The following RELL2 variants were observed in gnomAD, a reference collection of about 807,000 sequenced individuals.
RELL2 encodes the protein RELT-like protein 2.
Under a neutral mutation model 27.5 loss-of-function variants are expected in RELL2, and 18 were observed. The ratio of observed to expected loss-of-function variants is 0.65; its 90% CI spans 0.45 to 0.97. The LOEUF (loss-of-function observed/expected upper bound fraction) is 0.97. Among genes scored for constraint, RELL2 ranks in the 50% least tolerant of loss-of-function variants. The pLI is 0.00. For missense variants in RELL2, 370 were observed against 397.5 expected (o/e 0.93, Z 0.59); for synonymous variants, 156 against 147.5 (o/e 1.06, Z -0.42).
chr5:141,638,653 G>A, intron 1 of RELL2, 142 bp from the exon 2 acceptor site: 7 of 793,758 alleles, frequency 8.8e-6, no homozygotes, highest in Non-Finnish European at 1.3e-5. Context: ...CATCTTTTCT[G>A]GTCCCTGAAA....
rs1336400702 is a variant in RELL2 at position 141,638,308 on chromosome 5, T to G, written c.83T>G (p.Met28Arg). ...CTGCTTGTGCTGGTCTTCTTCCTCATGGGCCTGGTAGGCTTCATGATCTGC... is the reference window on the plus strand; with the variant it reads ...CTGCTTGTGCTGGTCTTCTTCCTCAGGGGCCTGGTAGGCTTCATGATCTGC... ...LFLLVLVFFL[M>R]GLVGFMICHV... The change falls in exon 1 of 7, where the codon ATG becomes AGG. Residue 28 changes from methionine (M) to arginine (R), a missense_variant. Physicochemically the swap from Met to Arg is moderately conservative, Grantham distance 91. Transcript: ENST00000297164. The G allele has an allele frequency of 6.2e-7, 1 of 1,614,058 alleles. No individual in the cohort carries two copies. Among genetic ancestry groups the G allele is most frequent in the Non-Finnish European group, 8.5e-7 (1 of 1,180,010 alleles).
chr5:141,640,116 A>C lies in RELL2; in HGVS notation c.700A>C (p.Ser234Arg). Residue 234 changes from serine (S) to arginine (R), a missense_variant, in exon 5 of 7, where the codon AGC becomes CGC. By Grantham distance (110) the Ser-to-Arg change is moderately radical (BLOSUM62 -1). Coordinates refer to ENST00000297164, the MANE Select transcript of RELL2 (RefSeq NM_173828.5). Reference sequence around the variant, plus strand: ...GAGGCCACAGCCCCAGGTCCTAGCCAGCCCCCCAGTACAGAATGGAGGACT... The same window carrying C: ...GAGGCCACAGCCCCAGGTCCTAGCCCGCCCCCCAGTACAGAATGGAGGACT... Reference protein sequence around the residue: ...PERPQPQVLASPPVQNGGLRD... With the variant: ...PERPQPQVLARPPVQNGGLRD... 1 of 1,613,956 alleles carries C rather than the reference A, an allele frequency of 6.2e-7. No homozygotes were observed. The highest frequency in any genetic ancestry group is 8.5e-7 in the Non-Finnish European group (1 of 1,179,894).
rs758884850 is a variant in RELL2, at chr5:141,638,255, G to T, written c.30G>T (p.Pro10=). The T allele has an allele frequency of 1.2e-6, 2 of 1,613,614 alleles. No homozygotes were observed. The highest frequency in any genetic ancestry group is 2.2e-5 in the South Asian group (2 of 91,046). ...CGGAACCACAGCCTGACCTGGAACC[G>T]CCCCAACATGGGCTATATATGCTCT... MSEPQPDLE[P]PQHGLYMLFL... The change falls in exon 1 of 7, where the codon CCG becomes CCT. Residue 10 remains proline (P), a synonymous_variant. Coordinates refer to ENST00000297164, the MANE Select transcript of RELL2 (RefSeq NM_173828.5).
In RELL2 at chr5:141,640,038, G is replaced by A. The variant is rs139146106; in HGVS notation, c.622G>A (p.Gly208Arg). The A allele has an allele frequency of 2.5e-6, 4 of 1,613,302 alleles. No individual in the cohort carries two copies. The highest frequency in any genetic ancestry group is 1.3e-5 in the African/African-American group (1 of 74,908). The change falls in exon 5 of 7, where the codon GGG becomes AGG. Residue 208 changes from glycine to arginine, a missense_variant. By Grantham distance (125) the Gly-to-Arg change is moderately radical (BLOSUM62 -2). Coordinates refer to ENST00000297164, the MANE Select transcript of RELL2 (RefSeq NM_173828.5). ...GQDPGGGQGSGGGQPKAGMPA... is the reference protein window; with the variant it reads ...GQDPGGGQGSRGGQPKAGMPA... ...GGACCCAGGGGGTGGTCAGGGGTCT[G>A]GGGGAGGGCAGCCCAAGGCAGGGAT...
At position 141,639,651 on chromosome 5, in the gene RELL2, T is replaced by TG; in HGVS notation, c.503+6dup. The TG allele has an allele frequency of 6.3e-7, 1 of 1,594,872 alleles. No homozygotes were observed. The highest frequency in any genetic ancestry group is 8.5e-7 in the Non-Finnish European group (1 of 1,170,420). ...GACCACTGTGTTCTCTGTGGGCAGGTGGGGCAGGTGCTCCAGGGAAAGGGG... is the reference window on the plus strand; with the variant it reads ...GACCACTGTGTTCTCTGTGGGCAGGTGGGGGCAGGTGCTCCAGGGAAAGGGG... On this transcript the variant is annotated splice_region_variant and intron_variant, in intron 4 of 6. Coordinates refer to ENST00000297164, the MANE Select transcript of RELL2 (RefSeq NM_173828.5). This position sits in a 1 kb window ranked among gnomAD's most constrained non-coding sequence, Gnocchi z 4.4.
chr5:141,638,771 T>C (rs1475420478), intron 1 of RELL2, 24 bp from the exon 2 acceptor site: 2 of 1,609,730 alleles, frequency 1.2e-6, no homozygotes, highest in Non-Finnish European at 1.7e-6. Flanking sequence ...TCCTGCTTCC[T>C]TGCCAATCTC....
chr5:141,640,158 A>AC lies in RELL2; in HGVS notation c.746dup (p.Arg250SerfsTer4). ...TGGAGGACTCAGGGACAGCAGCCTA[A>AC]CCCCTCGTGCACTTGAAGGGAACCC... is the stretch of plus-strand genomic sequence containing the variant. On this transcript the variant is annotated frameshift_variant, in exon 5 of 7. Transcript: ENST00000297164. LOFTEE classifies it high-confidence loss of function. 6.2e-7 allele frequency: 1 copy of AC among 1,614,010 alleles called. No individual in the cohort carries two copies. The highest frequency in any genetic ancestry group is 8.5e-7 in the Non-Finnish European group (1 of 1,179,964).
intron 1 of RELL2, 60 bp from the exon 2 acceptor site, chr5:141,638,735 G>A (rs1391522893): frequency 1.4e-6 from 2 of 1,404,476 alleles, no homozygotes; most frequent in Non-Finnish European, 1.0e-6. Context: ...GAGCCACCAG[G>A]TAATATTCCC....
In RELL2 at chr5:141,638,250, G is replaced by A; in HGVS notation, c.25G>A (p.Glu9Lys). 1 of 1,613,640 alleles carries A rather than the reference G, an allele frequency of 6.2e-7. No individual in the cohort carries two copies. Among genetic ancestry groups the A allele is most frequent in the South Asian group, 1.1e-5 (1 of 91,050 alleles). ...CATGTCGGAACCACAGCCTGACCTGGAACCGCCCCAACATGGGCTATATAT... is the reference window on the plus strand; with the variant it reads ...CATGTCGGAACCACAGCCTGACCTGAAACCGCCCCAACATGGGCTATATAT... MSEPQPDLEPPQHGLYMLF... is the reference protein window; with the variant it reads MSEPQPDLKPPQHGLYMLF... The change falls in exon 1 of 7, where the codon GAA becomes AAA. Residue 9 changes from glutamate to lysine, a missense_variant. By Grantham distance (56) the Glu-to-Lys change is moderately conservative (BLOSUM62 1). Coordinates refer to ENST00000297164, the MANE Select transcript of RELL2 (RefSeq NM_173828.5).
intron 6 of RELL2, 58 bp downstream of exon 6, chr5:141,640,503 T>C: frequency 6.2e-7 from 1 of 1,613,756 alleles, no homozygotes; most frequent in Non-Finnish European, 8.5e-7. Context: ...CTACTTAAAC[T>C]ATTTAAGCCT....
intron 2 of RELL2, 47 bp from the exon 3 acceptor site, chr5:141,638,908 C>G (rs1461927528): frequency 6.2e-7 from 1 of 1,612,080 alleles, no homozygotes; most frequent in East Asian, 2.2e-5. Context: ...CCTTCTCTTG[C>G]CCTGACCTCC....
chr5:141,639,896 C>G lies in RELL2; in HGVS notation c.504-24C>G, dbSNP rs563399305. 3.4e-5 allele frequency: 55 copies of G among 1,612,884 alleles called. No homozygotes were observed. Among genetic ancestry groups the G allele is most frequent in the Non-Finnish European group, 4.7e-5 (55 of 1,179,514 alleles). Reference sequence around the variant, plus strand: ...GCAGCCTCTGAGTTGTGGTCCTAAACCCCAGTGTTCCCTCCCCTCCCAGGT... The same window carrying G: ...GCAGCCTCTGAGTTGTGGTCCTAAAGCCCAGTGTTCCCTCCCCTCCCAGGT... On this transcript the variant is annotated intron_variant, in intron 4 of 6. Transcript: ENST00000297164. The surrounding 1 kb of genome is among the most constrained non-coding windows in gnomAD (Gnocchi z 4.4).
At chr5:141,640,595 G>T in intron 6 of RELL2, 76 bp from the exon 7 acceptor site, 1 of 1,544,744 alleles carries the variant, frequency 6.5e-7, no homozygotes, top group Non-Finnish European at 8.7e-7. Flanking sequence ...AGGTAGGGAA[G>T]GTCCTGGAGC....
At position 141,639,744 on chromosome 5, in the gene RELL2, GA is replaced by G. The variant is rs2099906608; in HGVS notation, c.503+96del. The stretch of plus-strand genomic sequence containing the variant: ...AGTGGGCCTTGGCTCTTTCCTCCTG[GA>G]CTGGGAGCTCCGGCAGAAGTCAGGC... On this transcript the variant is annotated intron_variant, in intron 4 of 6. Coordinates refer to ENST00000297164, the MANE Select transcript of RELL2 (RefSeq NM_173828.5). The surrounding 1 kb of genome is among the most constrained non-coding windows in gnomAD (Gnocchi z 4.4). 2.2e-6 allele frequency: 3 copies of G among 1,361,144 alleles called. No homozygotes were observed. The highest frequency in any genetic ancestry group is 3.0e-6 in the Non-Finnish European group (3 of 985,210). 84.3% of individuals were successfully genotyped at this position (1,361,144 alleles called of 1,614,324 possible). A position where few individuals can be genotyped will look rare whatever the true frequency, so the allele number is the denominator to read the frequency against.
At position 141,638,837 on chromosome 5, in the gene RELL2, T is replaced by C. The variant is rs1171816571; in HGVS notation, c.227T>C (p.Val76Ala). 6.2e-7 allele frequency: 1 copy of C among 1,614,214 alleles called. No individual in the cohort carries two copies. The highest frequency in any genetic ancestry group is 8.5e-7 in the Non-Finnish European group (1 of 1,180,016). ...AATGAGGACACAGTAGAGAGGATTG[T>C]TCGCTGCATCATCCAGAATGAAGGT... ...DMNEDTVERIVRCIIQNEANA... is the reference protein window; with the variant it reads ...DMNEDTVERIARCIIQNEANA... Residue 76 changes from valine (V) to alanine (A), a missense_variant, in exon 2 of 7, where the codon GTT becomes GCT. By Grantham distance (64) the Val-to-Ala change is moderately conservative (BLOSUM62 0). Coordinates refer to ENST00000297164, the MANE Select transcript of RELL2 (RefSeq NM_173828.5).
Position 141,639,370 on chromosome 5 carries a change from TG to T in RELL2, c.318-90del. ...TGGGGCTTGGGGAAATTGGGGCTTC[TG>T]GGGTTTTAAGGAGCATGCTGAAAGA... On this transcript the variant is annotated intron_variant, in intron 3 of 6. Coordinates refer to ENST00000297164, the MANE Select transcript of RELL2 (RefSeq NM_173828.5). This position sits in a 1 kb window ranked among gnomAD's most constrained non-coding sequence, Gnocchi z 4.4. 9.6e-7 allele frequency: 1 copy of T among 1,043,786 alleles called. No homozygotes were observed. The highest frequency in any genetic ancestry group is 1.4e-6 in the Non-Finnish European group (1 of 722,150). 64.7% of individuals were successfully genotyped at this position (1,043,786 alleles called of 1,614,324 possible).
At position 141,640,839 on chromosome 5, in the gene RELL2, C is replaced by T. The variant is rs562236997; in HGVS notation, c.*170C>T. ...GGGGCCTCAGGAGAGGTCACAGCCC[C>T]TCAGTCTCTTCTCCTTCCCCTGCCT... On this transcript the variant is annotated 3_prime_UTR_variant, in exon 7 of 7. Coordinates refer to ENST00000297164, the MANE Select transcript of RELL2 (RefSeq NM_173828.5). The T allele has an allele frequency of 5.8e-5, 37 of 636,858 alleles. No homozygotes were observed. The South Asian group carries it at 6.5e-4, about 11-fold the overall frequency. The allele number at this position is 636,858 out of a possible 1,614,324, so 39.5% of individuals were successfully genotyped here. A position where few individuals can be genotyped will look rare whatever the true frequency, so the allele number is the denominator to read the frequency against.
At chr5:141,638,515 C>G (rs2099906430) in intron 1 of RELL2, 106 bp downstream of exon 1, 1 of 1,119,150 alleles carries the variant, frequency 8.9e-7, no homozygotes, top group Non-Finnish European at 1.3e-6. Context: ...CAAACCTGCT[C>G]AGGAAGCCTA....
chr5:141,640,148 C>T lies in RELL2; in HGVS notation c.732C>T (p.Asp244=). Residue 244 remains aspartate (D), a synonymous_variant, in exon 5 of 7, where the codon GAC becomes GAT. Transcript: ENST00000297164. ...SPPVQNGGLR[D]SSLTPRALEG... ...CAGTACAGAATGGAGGACTCAGGGA[C>T]AGCAGCCTAACCCCTCGTGCACTTG... 1 of 1,614,118 alleles carries T rather than the reference C, an allele frequency of 6.2e-7. No individual in the cohort carries two copies. The highest frequency in any genetic ancestry group is 8.5e-7 in the Non-Finnish European group (1 of 1,179,986).
Sources: allele counts gnomAD v4.1 joint callset, GRCh38; gene constraint gnomAD v4.1.1; non-coding constraint Gnocchi (gnomAD v3.1); transcripts MANE v1.5; gene names NCBI Gene and HGNC (gene_info 2026-07-23, HGNC 2026-07-21).